PRRC2C: variants seen among roughly 807,000 people sequenced by gnomAD.
The protein encoded by PRRC2C is proline rich coiled-coil 2C, also known as protein PRRC2C.
In PRRC2C, 72 loss-of-function variants were observed where a neutral mutation model predicts 317.2. The observed-to-expected ratio is 0.23, with a 90% CI of 0.19 to 0.28. PRRC2C has a LOEUF of 0.28. PRRC2C is among the 10% of genes least tolerant of loss of function. The pLI, the probability that PRRC2C is intolerant of heterozygous loss-of-function variation, is 1.00. For synonymous variants in PRRC2C, 1,296 were observed against 1,205.9 expected, an observed-to-expected ratio of 1.07 and a Z score of -1.55; for missense variants, 3,074 against 3,459.7, an observed-to-expected ratio of 0.89 and a Z score of 2.80.
intron 28 of PRRC2C, among the ~76,000 whole-genome samples, chr1:171,582,934 A>G (rs1029982076): frequency 1.2e-4 from 18 of 151,964 alleles, no homozygotes; most frequent in Non-Finnish European, 2.2e-4. Flanking sequence ...TTATAATAAC[A>G]TTTAGCTTAC....
At chr1:171,538,797 G>A (rs1444639657) in intron 15 of PRRC2C, among the ~76,000 whole-genome samples, 2 of 151,732 alleles carry the variant, frequency 1.3e-5, no homozygotes, top group African/African-American at 2.4e-5. Context: ...CTGCAGCCTT[G>A]ACCTCCCAGG....
At chr1:171,539,649 GACTT>G (rs1677578819) in intron 15 of PRRC2C, among the ~76,000 whole-genome samples, 1 of 152,146 alleles carries the variant, frequency 6.6e-6, no homozygotes, top group African/African-American at 2.4e-5. Flanking sequence ...CTGACTGACT[GACTT>G]CACTTAAGCA....
intron 20 of PRRC2C, 81 bp downstream of exon 20, chr1:171,561,184 T>A (rs1263513172): frequency 7.6e-7 from 1 of 1,323,614 alleles, no homozygotes; most frequent in East Asian, 2.3e-5. Context: ...GGCTTACACC[T>A]GTAATCCTAG....
chr1:171,558,128 G>A lies in PRRC2C; in HGVS notation c.6016G>A (p.Asp2006Asn). ...GGTGGCCCCACCAGCTGTGCTGAAT[G>A]ATATCTCTAAGAAATGTAAGTTGCA... ...NKVAPPAVLNDISKKLGPISP... is the reference protein window; with the variant it reads ...NKVAPPAVLNNISKKLGPISP... Residue 2006 changes from aspartate to asparagine, a missense_variant, in exon 19 of 35, where the codon GAT becomes AAT. Coordinates refer to ENST00000647382, the MANE Select transcript of PRRC2C (RefSeq NM_001387844.1). 6.2e-7 allele frequency: 1 copy of A among 1,611,308 alleles called. No homozygotes were observed. The highest frequency in any genetic ancestry group is 2.2e-5 in the East Asian group (1 of 44,864).
intron 31 of PRRC2C, 28 bp downstream of exon 31, chr1:171,587,249 A>G (rs748841632): frequency 6.5e-7 from 1 of 1,543,444 alleles, no homozygotes; most frequent in South Asian, 1.2e-5. Flanking sequence ...TGCACAGGTT[A>G]TTTGAGAATT....
chr1:171,589,311 T>TG (rs2102896952), intron 33 of PRRC2C, 58 bp from the exon 34 acceptor site: 5 of 533,814 alleles, frequency 9.4e-6, no homozygotes, highest in Non-Finnish European at 1.4e-5. Flanking sequence ...GTTGGCAGTT[T>TG]TTTTTTTTTT....
In PRRC2C at chr1:171,541,092, G is replaced by T; in HGVS notation, c.3626G>T (p.Arg1209Leu). 6.2e-7 allele frequency: 1 copy of T among 1,613,776 alleles called. No homozygotes were observed. The highest frequency in any genetic ancestry group is 8.5e-7 in the Non-Finnish European group (1 of 1,179,830). ...GRSYRGSYGG[R>L]GRGGRGHTRD... ...AGCTATAGAGGTTCTTATGGAGGGC[G>T]TGGCAGGGGTGGTAGGGGACACACT... is the stretch of plus-strand genomic sequence containing the variant. The change falls in exon 16 of 35, where the codon CGT becomes CTT. Residue 1209 changes from arginine to leucine, a missense_variant. This residue lies in a region of PRRC2C where 1,320 missense variants were observed against 1,395.7 expected (regional missense o/e 0.95). Coordinates refer to ENST00000647382, the MANE Select transcript of PRRC2C (RefSeq NM_001387844.1). This position sits in a 1 kb window ranked among gnomAD's most constrained non-coding sequence, Gnocchi z 4.1.
At chr1:171,590,604 G>A (rs191556615) in intron 34 of PRRC2C, among the ~76,000 whole-genome samples, 6 of 152,074 alleles carry the variant, frequency 3.9e-5, no homozygotes, top group Non-Finnish European at 5.9e-5. Flanking sequence ...TTTTTGGGTC[G>A]ACATCCCTAG....
Position 171,485,585 on chromosome 1 carries a change from G to A in PRRC2C, c.-208G>A, listed in dbSNP as rs906621162. On this transcript the variant is annotated 5_prime_UTR_variant, in exon 1 of 35. Coordinates refer to ENST00000647382, the MANE Select transcript of PRRC2C (RefSeq NM_001387844.1). ...CTCCCCCTCGGAAAGCTGCGAAAGT[G>A]CTTTGGCGGTTTGTCCATCCGCAGC... 1.3e-5 allele frequency: 2 copies of A among 152,692 alleles called. No homozygotes were observed. Among genetic ancestry groups the A allele is most frequent in the African/African-American group, 2.4e-5 (1 of 41,460 alleles). 9.5% of individuals were successfully genotyped at this position (152,692 alleles called of 1,614,324 possible).
intron 27 of PRRC2C, 144 bp from the exon 28 acceptor site, chr1:171,579,684 T>C: frequency 7.8e-7 from 1 of 1,286,426 alleles, no homozygotes; most frequent in Non-Finnish European, 1.0e-6. Flanking sequence ...TTTAGATGTT[T>C]ACATTCAGTT....
At chr1:171,585,222 AC>A (rs1251003741) in intron 30 of PRRC2C, among the ~76,000 whole-genome samples, 2 of 152,228 alleles carry the variant, frequency 1.3e-5, no homozygotes, top group East Asian at 3.8e-4. Context: ...TAAGTGTGAT[AC>A]AGGTGGTTTA....
At chr1:171,581,854 ACC>A (rs1648674691) in intron 28 of PRRC2C, among the ~76,000 whole-genome samples, 5 of 152,212 alleles carry the variant, frequency 3.3e-5, no homozygotes, top group Non-Finnish European at 7.3e-5. Context: ...ATGTTCTTTA[ACC>A]CACTACTTTT....
At chr1:171,580,088 T>C in intron 28 of PRRC2C, 124 bp downstream of exon 28, 1 of 798,432 alleles carries the variant, frequency 1.3e-6, no homozygotes, top group Non-Finnish European at 1.7e-6. Flanking sequence ...TAAACTACAT[T>C]GGCTAATTGA....
intron 19 of PRRC2C, among the ~76,000 whole-genome samples, chr1:171,559,929 T>G (rs1388007147): frequency 6.6e-6 from 1 of 152,170 alleles, no homozygotes; most frequent in African/African-American, 2.4e-5. Flanking sequence ...CTAGTCACCC[T>G]AGAGTTGTGA....
At position 171,515,877 on chromosome 1, in the gene PRRC2C, T is replaced by C. The variant is rs374676300; in HGVS notation, c.526+18T>C. On this transcript the variant is annotated intron_variant, in intron 5 of 34. Coordinates refer to ENST00000647382, the MANE Select transcript of PRRC2C (RefSeq NM_001387844.1). ...TCCACCAAGTAAGAGTACTTTCTCT[T>C]TAATACAAAATGAGATCATATTTGT... The C allele has an allele frequency of 4.3e-5, 68 of 1,571,918 alleles. No homozygotes were observed. The Middle Eastern group carries it at 1.4e-3, about 32-fold the overall frequency.
intron 11 of PRRC2C, 116 bp from the exon 12 acceptor site, chr1:171,532,227 A>G: frequency 1.9e-6 from 2 of 1,055,666 alleles, no homozygotes; most frequent in South Asian, 3.4e-5. Context: ...TTTAATGTGT[A>G]TGTTCATCAG....
At chr1:171,566,483 A>T in intron 21 of PRRC2C, 62 bp downstream of exon 21, 1 of 1,490,512 alleles carries the variant, frequency 6.7e-7, no homozygotes, top group South Asian at 1.3e-5. Flanking sequence ...AGAGCAAATA[A>T]TACTTTTAAA....
chr1:171,565,433 T>C (rs1683460540), intron 20 of PRRC2C, among the ~76,000 whole-genome samples: 1 of 151,216 alleles, frequency 6.6e-6, no homozygotes, highest in Non-Finnish European at 1.5e-5. Context: ...AAGAAGATGC[T>C]CAACAAATTA....
At chr1:171,506,558 A>T (rs1340953029) in intron 1 of PRRC2C, among the ~76,000 whole-genome samples, 1 of 148,048 alleles carries the variant, frequency 6.8e-6, no homozygotes, top group Non-Finnish European at 1.5e-5. Flanking sequence ...CCAATTACAC[A>T]TAGATTAGGC....
Sources: allele counts gnomAD v4.1 joint callset (sites outside exome capture counted in the v4.1 genomes callset), GRCh38; gene constraint gnomAD v4.1.1; regional missense constraint gnomAD v4.1.1; non-coding constraint Gnocchi (gnomAD v3.1); transcripts MANE v1.5; gene names NCBI Gene and HGNC (gene_info 2026-07-23, HGNC 2026-07-21).